The following CEP192 variants were observed in gnomAD, a reference collection of about 807,000 sequenced individuals.
CEP192 encodes centrosomal protein 192.
Under a neutral mutation model 271.8 loss-of-function variants are expected in CEP192, and 151 were observed. The ratio of observed to expected loss-of-function variants is 0.56; its 90% CI spans 0.49 to 0.64. The LOEUF is 0.64. Ranked by LOEUF, CEP192 falls within the 30% of genes least tolerant of loss-of-function variation. The pLI is 0.00. For missense variants in CEP192, 2,910 were observed against 3,020.5 expected (o/e 0.96, Z 0.86); for synonymous variants, 995 against 1,076.5 (o/e 0.92, Z 1.48).
chr18:13,117,763 C>G (rs2040499153), intron 44 of CEP192, 120 bp downstream of exon 44: 6 of 675,772 alleles, frequency 8.9e-6, no homozygotes, highest in Non-Finnish European at 1.6e-5. Context: ...CAGCACCAAA[C>G]AGCATTAGGC....
chr18:13,062,721 C>G (rs932991519), intron 21 of CEP192, among the ~76,000 whole-genome samples: 1 of 152,020 alleles, frequency 6.6e-6, no homozygotes, highest in African/African-American at 2.4e-5. Context: ...AGCATTTATC[C>G]TTTGAGTTAC....
intron 44 of CEP192, 40 bp downstream of exon 44, chr18:13,117,683 C>G (rs752912591): frequency 6.6e-7 from 1 of 1,510,836 alleles, no homozygotes; most frequent in Non-Finnish European, 9.2e-7. Flanking sequence ...ATCAGCGATG[C>G]AGGACTTTCG....
intron 13 of CEP192, among the ~76,000 whole-genome samples, 174 bp from the exon 14 acceptor site, chr18:13,040,656 A>C (rs1291757603): frequency 6.6e-6 from 1 of 152,208 alleles, no homozygotes; most frequent in Non-Finnish European, 1.5e-5. Flanking sequence ...AGTATTAAGG[A>C]AATGAAAGGT....
intron 3 of CEP192, among the ~76,000 whole-genome samples, chr18:13,003,518 G>A (rs1364616725): frequency 5.3e-5 from 8 of 151,290 alleles, no homozygotes; most frequent in African/African-American, 1.9e-4. Context: ...CTATGTGGAC[G>A]CCAGGGGGAA....
intron 30 of CEP192, among the ~76,000 whole-genome samples, chr18:13,086,804 C>A (rs376625479): frequency 5.9e-5 from 9 of 152,298 alleles, no homozygotes; most frequent in African/African-American, 2.2e-4. Flanking sequence ...CTATCAGAAG[C>A]CAGATACTTT....
chr18:13,113,804 C>T (rs747766153), intron 41 of CEP192, 99 bp downstream of exon 41: 93 of 1,071,398 alleles, frequency 8.7e-5, no homozygotes, highest in Middle Eastern at 3.0e-4. Context: ...AGAATATAGC[C>T]CCATAATCTT....
Position 13,001,573 on chromosome 18 carries a change from A to C in CEP192, c.281A>C (p.Gln94Pro), listed in dbSNP as rs1194418272. ...EPRERLQLSF[Q>P]DDDSISRKKS... ...AGAGAGAGGTTACAGCTTAGCTTCC[A>C]GGATGATGAGTAAGTTCATACCTTC... The change falls in exon 3 of 45, where the codon CAG (glutamine) becomes CCG (proline). Residue 94 changes from glutamine (Q) to proline (P), a missense_variant. Coordinates refer to ENST00000506447, the MANE Select transcript of CEP192 (RefSeq NM_032142.4). 1 of 1,547,410 alleles carries C rather than the reference A, an allele frequency of 6.5e-7. No individual in the cohort carries two copies. The highest frequency in any genetic ancestry group is 8.7e-7 in the Non-Finnish European group (1 of 1,145,906).
Position 13,049,795 on chromosome 18 carries a change from G to A in CEP192, c.2921G>A (p.Gly974Glu). Residue 974 changes from glycine (G) to glutamate (E), a missense_variant, in exon 17 of 45, where the codon GGA becomes GAA. By Grantham distance (98) the Gly-to-Glu change is moderately conservative. Transcript: ENST00000506447. ...DLKNTSPEHG[G>E]RGSEDEQESF... ...AAAAATACCTCTCCTGAGCATGGTG[G>A]ACGTGGCTCAGAGGATGAGCAGGAG... The A allele has an allele frequency of 6.2e-7, 1 of 1,613,846 alleles. No homozygotes were observed.
chr18:13,100,264 A>G, intron 37 of CEP192, 41 bp from the exon 38 acceptor site: 1 of 1,371,550 alleles, frequency 7.3e-7, no homozygotes, highest in South Asian at 1.2e-5. Context: ...TTAAAGTGAT[A>G]GATACGTTTG....
chr18:13,041,061 A>C, intron 14 of CEP192, 105 bp downstream of exon 14: 1 of 901,020 alleles, frequency 1.1e-6, no homozygotes, highest in Non-Finnish European at 1.6e-6. Context: ...AATGTATATA[A>C]CACTTTGTAG....
intron 33 of CEP192, 83 bp from the exon 34 acceptor site, chr18:13,092,294 C>T (rs2039182138): frequency 1.0e-6 from 1 of 974,830 alleles, no homozygotes; most frequent in Non-Finnish European, 1.5e-6. Context: ...TATTCTATAG[C>T]TATAAATATA....
intron 9 of CEP192, among the ~76,000 whole-genome samples, chr18:13,019,551 G>A (rs545200616): frequency 3.9e-5 from 6 of 152,036 alleles, no homozygotes; most frequent in African/African-American, 7.2e-5. Context: ...ATAGTACCCC[G>A]TTTCTCCTGT....
At chr18:13,009,008 C>CTTTTTTTTT (rs1193857966) in intron 4 of CEP192, among the ~76,000 whole-genome samples, 1 of 113,544 alleles carries the variant, frequency 8.8e-6, no homozygotes, top group Non-Finnish European at 1.7e-5. Context: ...TGTGCCTGGC[C>CTTTTTTTTT]TTTTTGTTTT....
intron 11 of CEP192, among the ~76,000 whole-genome samples, chr18:13,033,019 A>G (rs1486650655): frequency 6.6e-6 from 1 of 152,230 alleles, no homozygotes; most frequent in Non-Finnish European, 1.5e-5. Flanking sequence ...GGCAGGTAGC[A>G]TGGGAAGCAG....
Position 13,100,397 on chromosome 18 carries a change from A to T in CEP192, c.6756A>T (p.Val2252=), listed in dbSNP as rs1311825307. The T allele has an allele frequency of 6.2e-7, 1 of 1,614,026 alleles. No homozygotes were observed. Among genetic ancestry groups the T allele is most frequent in the South Asian group, 1.1e-5 (1 of 91,078 alleles). The change falls in exon 38 of 45, where the codon GTA becomes GTT. Residue 2252 remains valine, a synonymous_variant. Transcript: ENST00000506447. ...TSKPFGILSP[V]SEPSVSHLVK... is the part of the protein sequence containing the mutation. ...AACCATTTGGAATTCTTTCCCCAGTATCTGAGCCTTCAGTTAGTCATTTGG... is the reference window on the plus strand; with the variant it reads ...AACCATTTGGAATTCTTTCCCCAGTTTCTGAGCCTTCAGTTAGTCATTTGG...
rs777789792 is a variant in CEP192 at position 13,103,573 on chromosome 18, G to A, written c.6936G>A (p.Ala2312=). Residue 2312 remains alanine, a synonymous_variant, in exon 39 of 45, where the codon GCG becomes GCA. Transcript: ENST00000506447. ...TGAAATGGCATCTGTCATCTTTAGC[G>A]CCACCTTATGTCAAGGTCAGTCATG... ...TDVKWHLSSL[A]PPYVKGVDES... is the part of the protein sequence containing the mutation. 17 of 1,613,062 alleles carry A rather than the reference G, an allele frequency of 1.1e-5. No individual in the cohort carries two copies. In the South Asian group the frequency reaches 1.2e-4, roughly 11 times the overall value.
At chr18:13,089,608 C>A (rs967037389) in intron 33 of CEP192, 43 bp downstream of exon 33, 20 of 943,868 alleles carry the variant, frequency 2.1e-5, no homozygotes, top group Non-Finnish European at 2.9e-5. Context: ...TCTTTTGGGT[C>A]ATTTATAGTA....
At chr18:13,052,815 G>A (rs759940190) in intron 17 of CEP192, 104 bp from the exon 18 acceptor site, 102 of 769,088 alleles carry the variant, frequency 1.3e-4, no homozygotes, top group Non-Finnish European at 1.8e-4. Context: ...TGAATTTGTG[G>A]TTGAGTCATT....
intron 4 of CEP192, among the ~76,000 whole-genome samples, chr18:13,009,653 C>T (rs2034211269): frequency 1.3e-5 from 2 of 151,894 alleles, no homozygotes; most frequent in South Asian, 4.2e-4. Context: ...GCCAACATGG[C>T]GAAACCCTGT....
Sources: gnomAD v4.1 joint callset for allele counts (sites outside exome capture counted in the v4.1 genomes callset) on GRCh38, gnomAD v4.1.1 for gene constraint, MANE v1.5 for transcripts, NCBI Gene and HGNC (gene_info 2026-07-23, HGNC 2026-07-21) for gene names.